Variants in CYTIP observed in about 807,000 individuals in gnomAD.
The protein encoded by CYTIP is cytohesin-interacting protein.
A neutral mutation model predicts 43.8 loss-of-function variants in CYTIP; 26 were observed. The observed-to-expected ratio is 0.59, with a 90% CI of 0.44 to 0.82. CYTIP has a LOEUF of 0.82. Ranked by LOEUF, CYTIP falls within the 40% of genes least tolerant of loss-of-function variation. The pLI is 0.00. For missense variants in CYTIP, 426 were observed against 443.1 expected (o/e 0.96, Z 0.35); for synonymous variants, 162 against 162.9 (o/e 0.99, Z 0.04).
intron 3 of CYTIP, among the ~76,000 whole-genome samples, chr2:157,431,814 C>T (rs1277422738): frequency 1.3e-5 from 2 of 152,112 alleles, no homozygotes; most frequent in African/African-American, 4.8e-5. Flanking sequence ...TAAAGTAGTA[C>T]TTCCTTGTGA....
At chr2:157,438,263 T>C (rs1032310282) in intron 1 of CYTIP, among the ~76,000 whole-genome samples, 12 of 152,156 alleles carry the variant, frequency 7.9e-5, no homozygotes, top group African/African-American at 2.7e-4. Context: ...TTAAGTGAGA[T>C]AAGCCAGGAA....
intron 2 of CYTIP, 103 bp downstream of exon 2, chr2:157,434,595 T>TGTGTGTGTGTGTGTGTGAGAG: frequency 1.4e-6 from 1 of 705,604 alleles, no homozygotes; most frequent in Non-Finnish European, 2.4e-6. Flanking sequence ...TGTGTGTGCG[T>TGTGTGTGTGTGTGTGTGAGAG]AGAGAGAGAG....
At chr2:157,442,389 T>C (rs1005986369) in intron 1 of CYTIP, among the ~76,000 whole-genome samples, 1 of 150,564 alleles carries the variant, frequency 6.6e-6, no homozygotes, top group African/African-American at 2.5e-5. Flanking sequence ...AGAGAGTAGA[T>C]CAAATGAGTA....
intron 6 of CYTIP, among the ~76,000 whole-genome samples, chr2:157,422,584 C>T (rs1011436552): frequency 5.9e-5 from 9 of 151,388 alleles, no homozygotes; most frequent in African/African-American, 2.2e-4. Context: ...GCAGGAGAAT[C>T]CCTTGAACCC....
chr2:157,424,201 C>T (rs1230244418), intron 6 of CYTIP, among the ~76,000 whole-genome samples: 3 of 152,080 alleles, frequency 2.0e-5, no homozygotes, highest in East Asian at 1.9e-4. Context: ...AAATAATCTA[C>T]AGATAATTCA....
At chr2:157,430,273 T>A (rs1419514542) in intron 5 of CYTIP, among the ~76,000 whole-genome samples, 3 of 152,146 alleles carry the variant, frequency 2.0e-5, no homozygotes, top group Admixed American at 1.3e-4. Flanking sequence ...TGTGTGCCAG[T>A]TTAATTGAAT....
intron 6 of CYTIP, among the ~76,000 whole-genome samples, chr2:157,425,422 G>A (rs1685588663): frequency 6.6e-6 from 1 of 152,088 alleles, no homozygotes; most frequent in Admixed American, 6.5e-5. Context: ...ACAAAAATCT[G>A]TATTTTGTAC....
chr2:157,424,145 C>A (rs1039680163), intron 6 of CYTIP, among the ~76,000 whole-genome samples: 6 of 152,052 alleles, frequency 3.9e-5, no homozygotes, highest in African/African-American at 1.2e-4. Flanking sequence ...GAAAAAGAAC[C>A]AAAACTCATT....
intron 1 of CYTIP, among the ~76,000 whole-genome samples, chr2:157,439,675 G>A (rs536104994): frequency 1.3e-5 from 2 of 152,304 alleles, no homozygotes; most frequent in African/African-American, 4.8e-5. Context: ...TATCTAATAT[G>A]AGAAATCTAG....
Position 157,434,839 on chromosome 2 carries a change from TCTCTCTCTCTCA to T in CYTIP, c.175-104_175-93del, listed in dbSNP as rs1276140955. ...CTCTCTCTCTCTCTCTCTCTCTCTCTCTCTCTCTCTCACACACACACACACACACACACACAC... is the reference window on the plus strand; with the variant it reads ...CTCTCTCTCTCTCTCTCTCTCTCTCTCACACACACACACACACACACACAC... On this transcript the variant is annotated intron_variant, in intron 1 of 7. Transcript: ENST00000264192. 1.9e-3 allele frequency: 876 copies of T among 470,728 alleles called. 4 individuals are homozygous for T. In the African/African-American group the frequency reaches 0.02, roughly 11 times the overall value. The allele number at this position is 470,728 out of a possible 1,614,324, so 29.2% of individuals were successfully genotyped here.
intron 7 of CYTIP, among the ~76,000 whole-genome samples, chr2:157,416,980 TGAGA>T (rs377170102): frequency 6.5e-4 from 96 of 147,108 alleles, no homozygotes; most frequent in Non-Finnish European, 7.1e-4. Flanking sequence ...TGTGTGTGTG[TGAGA>T]GAGAGAGAGA....
intron 2 of CYTIP, 42 bp downstream of exon 2, chr2:157,434,656 T>C (rs780916115): frequency 1.3e-6 from 2 of 1,484,652 alleles, no homozygotes; most frequent in East Asian, 4.5e-5. Context: ...GCTATGTTCC[T>C]AAATATTTTG....
intron 6 of CYTIP, among the ~76,000 whole-genome samples, chr2:157,422,658 G>A (rs1422563610): frequency 5.2e-5 from 7 of 134,258 alleles, no homozygotes; most frequent in East Asian, 2.2e-4. Context: ...TGACAAGGGC[G>A]AAACTCTGTC....
chr2:157,418,487 T>C (rs777177600), intron 7 of CYTIP, 36 bp downstream of exon 7: 2 of 1,545,094 alleles, frequency 1.3e-6, no homozygotes, highest in South Asian at 1.2e-5. Context: ...AAAGAAGTAA[T>C]GTTAGTGTGG....
At chr2:157,432,595 A>C (rs1685729119) in intron 3 of CYTIP, among the ~76,000 whole-genome samples, 1 of 152,202 alleles carries the variant, frequency 6.6e-6, no homozygotes, top group African/African-American at 2.4e-5. Context: ...TCAGGTGTGC[A>C]TGAGTCCAAA....
rs567723661 is a variant in CYTIP, at chr2:157,434,567, T to A, written c.224+131A>T. 7 of 871,196 alleles carry A rather than the reference T, an allele frequency of 8.0e-6. No homozygotes were observed. The Admixed American group carries it at 1.4e-4, about 17-fold the overall frequency. 54.0% of individuals were successfully genotyped at this position (871,196 alleles called of 1,614,324 possible). ...TAGTATGTAAGATTCTGTGTGTGTG[T>A]CTGTGTGTGTGCGTCTGTGTGTGTG... On this transcript the variant is annotated intron_variant, in intron 2 of 7. Coordinates refer to ENST00000264192, the MANE Select transcript of CYTIP (RefSeq NM_004288.5).
At chr2:157,430,022 C>CAAAAAAA (rs768455650) in intron 5 of CYTIP, among the ~76,000 whole-genome samples, 1 of 52,696 alleles carries the variant, frequency 1.9e-5, no homozygotes, top group Non-Finnish European at 4.0e-5. Flanking sequence ...GACTCCGTCT[C>CAAAAAAA]AAAAAAAAAA....
At position 157,415,505 on chromosome 2, in the gene CYTIP, A is replaced by G. The variant is rs1001504299; in HGVS notation, c.*172T>C. ...CTTAGAAATTGGCTGTTTAGGTTGA[A>G]AAATGATTTAAGAAGCATAAACTAT... On this transcript the variant is annotated 3_prime_UTR_variant, in exon 8 of 8. Coordinates refer to ENST00000264192, the MANE Select transcript of CYTIP (RefSeq NM_004288.5). 3.5e-6 allele frequency: 2 copies of G among 569,102 alleles called. No homozygotes were observed. Among genetic ancestry groups the G allele is most frequent in the Admixed American group, 7.1e-5 (2 of 28,200 alleles). 35.3% of individuals were successfully genotyped at this position (569,102 alleles called of 1,614,324 possible).
At chr2:157,432,159 T>C (rs1573859690) in intron 3 of CYTIP, among the ~76,000 whole-genome samples, 1 of 152,210 alleles carries the variant, frequency 6.6e-6, no homozygotes, top group Non-Finnish European at 1.5e-5. Context: ...GGGAAACCAC[T>C]GTTCTAACAA....
Sources: allele counts gnomAD v4.1 joint callset (sites outside exome capture counted in the v4.1 genomes callset), GRCh38; gene constraint gnomAD v4.1.1; transcripts MANE v1.5; gene names NCBI Gene and HGNC (gene_info 2026-07-23, HGNC 2026-07-21).